SMYD3: variants seen among roughly 807,000 people sequenced by gnomAD.
SMYD3 encodes SET and MYND domain containing 3.
SMYD3 carries 36 observed loss-of-function variants against 57.7 expected under a neutral mutation model. The observed-to-expected ratio is 0.62, with a 90% CI of 0.48 to 0.82. SMYD3 has a LOEUF of 0.82. SMYD3 is among the 40% of genes least tolerant of loss of function. SMYD3 has a pLI of 0.00. For synonymous variants in SMYD3, 211 were observed against 195.0 expected (o/e 1.08, Z -0.68); for missense variants, 515 against 538.8 (o/e 0.96, Z 0.44).
chr1:246,326,624 CG>C, intron 5 of SMYD3: 1 of 375,824 alleles, frequency 2.7e-6, no homozygotes, highest in East Asian at 4.6e-5. Context: ...TTTAGCTGGG[CG>C]TGGTGGCTCA....
rs893182970 is a variant in SMYD3, at chr1:246,123,575, C to T, written c.532-193638G>A. On this transcript the variant is annotated intron_variant, in intron 5 of 11. Transcript: ENST00000490107. ...CAGAGTGAGACTCCATCTCAAAACA[C>T]ACACACACACACACACACACACACA... is the stretch of plus-strand genomic sequence containing the variant. Among the ~76,000 whole-genome samples the T allele has an allele frequency of 1.9e-4, 20 of 103,230 alleles. No individual in the cohort carries two copies. In the South Asian group the frequency reaches 2.2e-3, roughly 11 times the overall value. The allele number at this position is 103,230 out of a possible 152,430, so 67.7% of individuals were successfully genotyped here. A position where few individuals can be genotyped will look rare whatever the true frequency, so the allele number is the denominator to read the frequency against.
At chr1:245,815,529 G>T (rs1403338407) in intron 10 of SMYD3, among the ~76,000 whole-genome samples, 2 of 152,256 alleles carry the variant, frequency 1.3e-5, no homozygotes, top group African/African-American at 4.8e-5. Context: ...TAGCCCCCAA[G>T]TGACTCTGAT....
intron 5 of SMYD3, among the ~76,000 whole-genome samples, chr1:246,126,618 T>C (rs551241861): frequency 6.6e-6 from 1 of 152,370 alleles, no homozygotes; most frequent in Non-Finnish European, 1.5e-5. Context: ...TCAATCTACA[T>C]ACACAGATGT....
intron 10 of SMYD3, among the ~76,000 whole-genome samples, chr1:245,787,302 G>A (rs2047084635): frequency 6.6e-6 from 1 of 152,156 alleles, no homozygotes; most frequent in East Asian, 1.9e-4. Flanking sequence ...AGGTCTATGA[G>A]GCAGCTCTTT....
intron 1 of SMYD3, among the ~76,000 whole-genome samples, chr1:246,505,238 G>A (rs1363302660): frequency 6.6e-6 from 1 of 152,166 alleles, no homozygotes; most frequent in Non-Finnish European, 1.5e-5. Flanking sequence ...GTGGGAAGTA[G>A]AGTGAGCCTG....
intron 5 of SMYD3, among the ~76,000 whole-genome samples, chr1:246,169,637 G>C (rs377545489): frequency 1.8e-3 from 270 of 152,178 alleles, no homozygotes; most frequent in African/African-American, 6.1e-3. Flanking sequence ...GGCCGGGTGC[G>C]GTGGCTCGGG....
At chr1:246,467,738 G>A (rs2067900526) in intron 1 of SMYD3, among the ~76,000 whole-genome samples, 1 of 152,032 alleles carries the variant, frequency 6.6e-6, no homozygotes, top group African/African-American at 2.4e-5. Flanking sequence ...GGAAGAGGAG[G>A]GAATACTTCC....
At chr1:246,282,241 G>A (rs1291212999) in intron 5 of SMYD3, among the ~76,000 whole-genome samples, 1 of 141,182 alleles carries the variant, frequency 7.1e-6, no homozygotes, top group East Asian at 2.1e-4. Flanking sequence ...GCCAAGCCAG[G>A]AGGACTGCTT....
At chr1:246,074,353 G>C (rs2060508169) in intron 5 of SMYD3, among the ~76,000 whole-genome samples, 1 of 146,126 alleles carries the variant, frequency 6.8e-6, no homozygotes, top group Non-Finnish European at 1.5e-5. Context: ...TTATTGGTTT[G>C]CCAAAAAAAA....
intron 5 of SMYD3, among the ~76,000 whole-genome samples, chr1:246,051,248 G>A (rs1400677401): frequency 6.6e-6 from 1 of 151,088 alleles, no homozygotes; most frequent in Non-Finnish European, 1.5e-5. Flanking sequence ...AACCTCCTGA[G>A]TAGCTGGGAC....
At chr1:246,190,314 C>T (rs866140016) in intron 5 of SMYD3, among the ~76,000 whole-genome samples, 15 of 152,200 alleles carry the variant, frequency 9.9e-5, no homozygotes, top group East Asian at 9.6e-4. Flanking sequence ...AGGCCGGGCG[C>T]GGTGGCTCAC....
At chr1:245,783,818 A>G (rs1215508943) in intron 10 of SMYD3, among the ~76,000 whole-genome samples, 2 of 152,232 alleles carry the variant, frequency 1.3e-5, no homozygotes, top group African/African-American at 2.4e-5. Context: ...AAAATTGAAT[A>G]CTTAGATACA....
At chr1:246,379,512 G>C (rs1187473179) in intron 1 of SMYD3, among the ~76,000 whole-genome samples, 1 of 151,970 alleles carries the variant, frequency 6.6e-6, no homozygotes, top group Non-Finnish European at 1.5e-5. Context: ...TGTTTTTCCT[G>C]GTTATTTTCA....
At chr1:246,141,784 T>C (rs1047542923) in intron 5 of SMYD3, among the ~76,000 whole-genome samples, 1 of 152,266 alleles carries the variant, frequency 6.6e-6, no homozygotes, top group African/African-American at 2.4e-5. Context: ...TCTCCTGGAA[T>C]ACAGCACTAG....
chr1:246,305,959 G>A (rs1037141207), intron 5 of SMYD3: 4 of 152,102 alleles, frequency 2.6e-5, no homozygotes, highest in Non-Finnish European at 5.9e-5. Context: ...GGTGAGCCAT[G>A]TACTCACACA....
chr1:245,915,417 C>T (rs2055333262), intron 8 of SMYD3, 113 bp downstream of exon 8: 1 of 603,026 alleles, frequency 1.7e-6, no homozygotes, highest in African/African-American at 1.8e-5. Context: ...TATCTGTTTC[C>T]TACCATGTAC....
At chr1:246,461,266 T>TGGGAAATTAGTG (rs376950071) in intron 1 of SMYD3, among the ~76,000 whole-genome samples, 2,639 of 152,210 alleles carry the variant, frequency 0.017, 33 homozygotes, top group Non-Finnish European at 0.024. Context: ...CTGAAATTAG[T>TGGGAAATTAGTG]GGAAATTAGT....
At chr1:245,904,540 T>A (rs1171310761) in intron 8 of SMYD3, among the ~76,000 whole-genome samples, 1 of 152,070 alleles carries the variant, frequency 6.6e-6, no homozygotes, top group Non-Finnish European at 1.5e-5. Flanking sequence ...AGAGGGAGCA[T>A]TTAAACTAGC....
At chr1:245,812,633 A>G (rs1199886355) in intron 10 of SMYD3, among the ~76,000 whole-genome samples, 1 of 150,726 alleles carries the variant, frequency 6.6e-6, no homozygotes, top group African/African-American at 2.4e-5. Context: ...AGAGTAGCCC[A>G]AGAGAGAACA....
Sources: allele counts gnomAD v4.1 joint callset (sites outside exome capture counted in the v4.1 genomes callset), GRCh38; gene constraint gnomAD v4.1.1; transcripts MANE v1.5; gene names NCBI Gene and HGNC (gene_info 2026-07-23, HGNC 2026-07-21).